TGM3: variants seen among roughly 807,000 people sequenced by gnomAD.
TGM3 encodes protein-glutamine gamma-glutamyltransferase E.
In TGM3, 52 loss-of-function variants were observed where a neutral mutation model predicts 73.8. The observed-to-expected ratio is 0.70, with a 90% CI of 0.56 to 0.89. The LOEUF is 0.89. Among genes scored for constraint, TGM3 ranks in the 40% least tolerant of loss-of-function variants. TGM3 has a pLI of 0.00. For missense variants in TGM3, 928 were observed against 909.9 expected (o/e 1.02, Z -0.26); for synonymous variants, 372 against 354.9 (o/e 1.05, Z -0.54).
intron 9 of TGM3, 66 bp from the exon 10 acceptor site, chr20:2,331,936 G>T: frequency 1.3e-6 from 2 of 1,530,778 alleles, no homozygotes; most frequent in South Asian, 1.3e-5. Flanking sequence ...GTCCAGGCAG[G>T]GTACTGTCCT....
chr20:2,327,491 AC>A (rs1399235994), intron 8 of TGM3, among the ~76,000 whole-genome samples: 1 of 152,110 alleles, frequency 6.6e-6, no homozygotes, highest in African/African-American at 2.4e-5. Context: ...AAACAAACAA[AC>A]AAACAAAAAA....
At chr20:2,335,913 C>T (rs373263425) in intron 11 of TGM3, among the ~76,000 whole-genome samples, 22 of 152,356 alleles carry the variant, frequency 1.4e-4, no homozygotes, top group East Asian at 5.8e-4. Flanking sequence ...AGCTGGCCAC[C>T]GCCAGAGTCA....
chr20:2,308,622 C>A (rs1048161598), intron 1 of TGM3, among the ~76,000 whole-genome samples: 1 of 152,212 alleles, frequency 6.6e-6, no homozygotes, highest in African/African-American at 2.4e-5. Flanking sequence ...TGAGCATTTG[C>A]AAGTCCCCTC....
intron 9 of TGM3, among the ~76,000 whole-genome samples, chr20:2,330,895 A>G (rs760342053): frequency 2.2e-4 from 33 of 149,492 alleles, no homozygotes; most frequent in Non-Finnish European, 3.7e-4. Flanking sequence ...AATCCCAGCT[A>G]CTCGGGAGGC....
intron 3 of TGM3, 137 bp from the exon 4 acceptor site, chr20:2,310,874 C>T (rs1482099005): frequency 1.4e-6 from 1 of 732,740 alleles, no homozygotes; most frequent in Non-Finnish European, 2.4e-6. Context: ...AGAGTTACAG[C>T]CCAAGGGTCA....
chr20:2,328,054 G>A lies in TGM3; in HGVS notation c.1088-66G>A. 1 of 1,601,216 alleles carries A rather than the reference G, an allele frequency of 6.2e-7. No individual in the cohort carries two copies. Among genetic ancestry groups the A allele is most frequent in the Non-Finnish European group, 8.5e-7 (1 of 1,172,138 alleles). ...GGTTGCAGTGGTCCTGGAAGGCCCTGGGGAATCGGGCACTGGGTAGGTTGT... is the reference window on the plus strand; with the variant it reads ...GGTTGCAGTGGTCCTGGAAGGCCCTAGGGAATCGGGCACTGGGTAGGTTGT... On this transcript the variant is annotated intron_variant, in intron 8 of 12. Coordinates refer to ENST00000381458, the MANE Select transcript of TGM3 (RefSeq NM_003245.4). The surrounding 1 kb of genome is among the most constrained non-coding windows in gnomAD (Gnocchi z 5.2).
intron 11 of TGM3, among the ~76,000 whole-genome samples, chr20:2,337,365 T>A (rs1034904462): frequency 1.3e-5 from 2 of 152,184 alleles, no homozygotes; most frequent in Admixed American, 6.5e-5. Context: ...AAAATGATAC[T>A]GGGTGGCTGC....
intron 7 of TGM3, 35 bp downstream of exon 7, chr20:2,317,520 C>G: frequency 6.2e-7 from 1 of 1,612,184 alleles, no homozygotes; most frequent in Non-Finnish European, 8.5e-7. Flanking sequence ...ACTTCGAGCA[C>G]CACATTTGAG....
intron 5 of TGM3, among the ~76,000 whole-genome samples, chr20:2,315,316 G>A (rs1269408263): frequency 1.3e-5 from 2 of 152,240 alleles, no homozygotes; most frequent in African/African-American, 4.8e-5. Context: ...GCTTTGAAGT[G>A]CTCAGCTTTC....
At chr20:2,306,109 A>G in intron 1 of TGM3, among the ~76,000 whole-genome samples, 1 of 152,152 alleles carries the variant, frequency 6.6e-6, no homozygotes, top group Non-Finnish European at 1.5e-5. Flanking sequence ...AGGAGCCTCT[A>G]CTATTGACAC....
chr20:2,315,694 C>T (rs11908614), intron 5 of TGM3, among the ~76,000 whole-genome samples: 4,045 of 152,280 alleles, frequency 0.027, 100 homozygotes, highest in African/African-American at 0.062. Flanking sequence ...TTTCATAAAC[C>T]CTGACCCTTG....
intron 1 of TGM3, among the ~76,000 whole-genome samples, chr20:2,302,952 A>C (rs1600690512): frequency 6.6e-6 from 1 of 152,198 alleles, no homozygotes; most frequent in East Asian, 1.9e-4. Context: ...TGCTAAGTAA[A>C]ATAAGTCAGA....
Position 2,332,441 on chromosome 20 carries a change from G to A in TGM3, c.1642+131G>A, listed in dbSNP as rs2084326722. The A allele has an allele frequency of 1.1e-6, 1 of 908,668 alleles. No homozygotes were observed. The highest frequency in any genetic ancestry group is 1.6e-6 in the Non-Finnish European group (1 of 618,272). 56.3% of individuals were successfully genotyped at this position (908,668 alleles called of 1,614,324 possible). On this transcript the variant is annotated intron_variant, in intron 10 of 12. Transcript: ENST00000381458. The surrounding 1 kb of genome is among the most constrained non-coding windows in gnomAD (Gnocchi z 4.4). ...AGCAGCCAGCGGCCCCTGTGGTTAA[G>A]CCATGTATTAATGCTTTGGAAGTTT...
chr20:2,331,405 A>T (rs1476056474), intron 9 of TGM3, among the ~76,000 whole-genome samples: 1 of 152,118 alleles, frequency 6.6e-6, no homozygotes, highest in African/African-American at 2.4e-5. Flanking sequence ...CAGTTTTGAA[A>T]ACTGAAATCT....
At chr20:2,316,939 A>T in intron 5 of TGM3, 129 bp from the exon 6 acceptor site, 1 of 1,112,838 alleles carries the variant, frequency 9.0e-7, no homozygotes, top group South Asian at 1.5e-5. Context: ...TAGAAAGACA[A>T]AGAAAAGTTC....
intron 1 of TGM3, among the ~76,000 whole-genome samples, chr20:2,307,148 A>G (rs1190187411): frequency 6.6e-6 from 1 of 152,222 alleles, no homozygotes; most frequent in East Asian, 1.9e-4. Context: ...TATTTGTTAA[A>G]TGAATGAGTG....
At chr20:2,311,307 C>A (rs1437056982) in intron 4 of TGM3, among the ~76,000 whole-genome samples, 178 bp downstream of exon 4, 1 of 152,082 alleles carries the variant, frequency 6.6e-6, no homozygotes, top group Non-Finnish European at 1.5e-5. Context: ...GGGATCCACA[C>A]TAAGGATAAA....
At position 2,340,568 on chromosome 20, in the gene TGM3, A is replaced by G; in HGVS notation, c.2069A>G (p.Asp690Gly). 6.2e-7 allele frequency: 1 copy of G among 1,614,098 alleles called. No individual in the cohort carries two copies. Among genetic ancestry groups the G allele is most frequent in the African/African-American group, 1.3e-5 (1 of 75,026 alleles). The change falls in exon 13 of 13, where the codon GAT (aspartate) becomes GGT (glycine). Residue 690 changes from aspartate to glycine, a missense_variant. Physicochemically the swap from Asp to Gly is moderately conservative, Grantham distance 94. Transcript: ENST00000381458. ...FPAIKAMLSI[D>G]VAE is the part of the protein sequence containing the mutation. ...GCAATCAAGGCCATGTTGTCCATCG[A>G]TGTAGCCGAATGAAGGGCGCTGGTG...
At chr20:2,305,692 G>C (rs533077992) in intron 1 of TGM3, among the ~76,000 whole-genome samples, 1 of 152,330 alleles carries the variant, frequency 6.6e-6, no homozygotes, top group East Asian at 1.9e-4. Context: ...TGCTGCCGGG[G>C]CTCACGCTTG....
Sources: allele counts gnomAD v4.1 joint callset (sites outside exome capture counted in the v4.1 genomes callset), GRCh38; gene constraint gnomAD v4.1.1; non-coding constraint Gnocchi (gnomAD v3.1); transcripts MANE v1.5; gene names NCBI Gene and HGNC (gene_info 2026-07-23, HGNC 2026-07-21).